ARID5B: variants seen among roughly 807,000 people sequenced by gnomAD.
ARID5B encodes the protein AT-rich interactive domain-containing protein 5B.
A neutral mutation model predicts 97.2 loss-of-function variants in ARID5B; 13 were observed. That is an observed-to-expected ratio of 0.13 (90% confidence interval 0.09 to 0.21). The LOEUF (loss-of-function observed/expected upper bound fraction) is 0.21, where lower values mean the gene tolerates loss of function less well. Ranked by LOEUF, ARID5B falls within the 10% of genes least tolerant of loss-of-function variation. The pLI, the probability that ARID5B is intolerant of heterozygous loss-of-function variation, is 1.00. For missense variants in ARID5B, 1,210 were observed against 1,465.3 expected, an observed-to-expected ratio of 0.83 and a Z score of 2.84; for synonymous variants, 556 against 570.3, an observed-to-expected ratio of 0.97 and a Z score of 0.36.
chr10:61,988,437 T>C (rs1329629019), intron 3 of ARID5B, among the ~76,000 whole-genome samples: 1 of 152,212 alleles, frequency 6.6e-6, no homozygotes, highest in Non-Finnish European at 1.5e-5. Context: ...TTGAAGCTTT[T>C]AAGAGATTAT....
chr10:62,044,289 GT>G (rs1839676788), intron 4 of ARID5B, among the ~76,000 whole-genome samples: 1 of 151,986 alleles, frequency 6.6e-6, no homozygotes, highest in Non-Finnish European at 1.5e-5. Flanking sequence ...AGTGATTGGG[GT>G]TGTCTGCTCT....
intron 2 of ARID5B, among the ~76,000 whole-genome samples, chr10:61,929,529 C>T (rs1844167705): frequency 6.6e-6 from 1 of 152,108 alleles, no homozygotes; most frequent in Non-Finnish European, 1.5e-5. Flanking sequence ...GTAACAGAGA[C>T]TCGTATATTA....
At chr10:61,915,836 A>G (rs1025090724) in intron 2 of ARID5B, among the ~76,000 whole-genome samples, 1 of 152,066 alleles carries the variant, frequency 6.6e-6, no homozygotes. Flanking sequence ...GCTCACTGCA[A>G]CCTTCACCTC....
chr10:62,005,926 T>C (rs1214991467), intron 4 of ARID5B, among the ~76,000 whole-genome samples: 2 of 152,204 alleles, frequency 1.3e-5, no homozygotes, highest in Non-Finnish European at 2.9e-5. Context: ...GCTTTGTTCC[T>C]GGCCCCTGTC....
At chr10:62,025,650 A>T (rs1302430494) in intron 4 of ARID5B, among the ~76,000 whole-genome samples, 2 of 152,184 alleles carry the variant, frequency 1.3e-5, no homozygotes, top group Admixed American at 1.3e-4. Flanking sequence ...AATTAGAAAA[A>T]CATGCTAAAT....
At chr10:61,911,847 A>G (rs1407856647) in intron 2 of ARID5B, among the ~76,000 whole-genome samples, 1 of 152,134 alleles carries the variant, frequency 6.6e-6, no homozygotes, top group Non-Finnish European at 1.5e-5. Flanking sequence ...TTCTAGGGTT[A>G]GAGAGTGTAA....
intron 4 of ARID5B, among the ~76,000 whole-genome samples, chr10:62,018,490 A>G (rs1839312035): frequency 6.6e-6 from 1 of 151,912 alleles, no homozygotes; most frequent in African/African-American, 2.4e-5. Context: ...TACCAATATC[A>G]TTATTATCTT....
chr10:61,948,864 G>A (rs1289638067), intron 3 of ARID5B, among the ~76,000 whole-genome samples: 2 of 152,240 alleles, frequency 1.3e-5, no homozygotes, highest in Non-Finnish European at 2.9e-5. Flanking sequence ...CTTCTCTAGA[G>A]CTGTATGGCC....
rs868439822 is a variant in ARID5B, at chr10:61,919,048, C to A, written c.276+16635C>A. 3.0e-4 allele frequency among the ~76,000 whole-genome samples: 38 copies of A among 127,038 alleles called. 1 individual carries two copies. The highest frequency in any genetic ancestry group is 9.2e-4 in the African/African-American group (32 of 34,604). 83.3% of individuals were successfully genotyped at this position (127,038 alleles called of 152,430 possible). ...GAGCCTGACTCCGTCCCCCCCCCCC[C>A]CCCCAAAAAAATAAAAGGTGCGTTA... On this transcript the variant is annotated intron_variant, in intron 2 of 9. Transcript: ENST00000279873.
rs1838559937 is a variant in ARID5B at position 61,967,337 on chromosome 10, T to TA, written c.502+26930dup. ...GTGTCTTACAGGAAGAAGCTTATCT[T>TA]ACCGGTCAATATTTGTATTATCCAG... On this transcript the variant is annotated intron_variant, in intron 3 of 9. Coordinates refer to ENST00000279873, the MANE Select transcript of ARID5B (RefSeq NM_032199.3). Among the ~76,000 whole-genome samples, 5 of 152,362 alleles carry TA rather than the reference T, an allele frequency of 3.3e-5. No homozygotes were observed. In the South Asian group the frequency reaches 1.0e-3, roughly 32 times the overall value.
intron 4 of ARID5B, among the ~76,000 whole-genome samples, chr10:62,010,952 A>G (rs1329813915): frequency 6.6e-6 from 1 of 152,226 alleles, no homozygotes; most frequent in African/African-American, 2.4e-5. Context: ...TATAATATAG[A>G]TCACAGTTTG....
Position 61,986,504 on chromosome 10 carries a change from A to T in ARID5B, c.503-13587A>T, listed in dbSNP as rs547157452. Reference sequence around the variant, plus strand: ...TATGTCCCCAAAATGTGATCAGGGAAACACTAACTTGTTGAGGTGAGCCAT... The same window carrying T: ...TATGTCCCCAAAATGTGATCAGGGATACACTAACTTGTTGAGGTGAGCCAT... On this transcript the variant is annotated intron_variant, in intron 3 of 9. Coordinates refer to ENST00000279873, the MANE Select transcript of ARID5B (RefSeq NM_032199.3). Among the ~76,000 whole-genome samples the T allele has an allele frequency of 5.3e-5, 8 of 152,270 alleles. No homozygotes were observed. In the South Asian group the frequency reaches 6.2e-4, roughly 12 times the overall value.
intron 4 of ARID5B, among the ~76,000 whole-genome samples, chr10:62,043,342 T>C (rs1839665662): frequency 6.6e-6 from 1 of 152,244 alleles, no homozygotes; most frequent in Non-Finnish European, 1.5e-5. Context: ...CCCTTTCTTC[T>C]TTGCCAGTGT....
At chr10:62,066,222 T>A (rs765370578) in intron 7 of ARID5B, among the ~76,000 whole-genome samples, 14 of 152,230 alleles carry the variant, frequency 9.2e-5, no homozygotes, top group Admixed American at 9.2e-4. Flanking sequence ...TCTCTCCTTA[T>A]TGGGCTCTGA....
chr10:61,976,350 T>G (rs1269481435), intron 3 of ARID5B, among the ~76,000 whole-genome samples: 1 of 152,246 alleles, frequency 6.6e-6, no homozygotes, highest in Admixed American at 6.5e-5. Context: ...CAGAAGCTAT[T>G]CTATTGGATA....
intron 3 of ARID5B, among the ~76,000 whole-genome samples, chr10:61,992,885 G>A (rs1159484527): frequency 6.6e-6 from 1 of 152,120 alleles, no homozygotes; most frequent in Non-Finnish European, 1.5e-5. Context: ...GGCAGCACCA[G>A]CTGACTTACA....
chr10:61,953,832 G>A (rs1838356172), intron 3 of ARID5B, among the ~76,000 whole-genome samples: 1 of 152,158 alleles, frequency 6.6e-6, no homozygotes. Flanking sequence ...AACAATATTA[G>A]TTTCCTTTCC....
chr10:61,998,482 T>G (rs1454021885), intron 3 of ARID5B, among the ~76,000 whole-genome samples: 1 of 152,200 alleles, frequency 6.6e-6, no homozygotes, highest in African/African-American at 2.4e-5. Flanking sequence ...CAGCTTGATG[T>G]TGTACAGGTG....
intron 4 of ARID5B, among the ~76,000 whole-genome samples, chr10:62,029,148 A>G (rs1278544362): frequency 6.6e-6 from 1 of 152,176 alleles, no homozygotes; most frequent in African/African-American, 2.4e-5. Flanking sequence ...TAGAATATCC[A>G]GAATATTGCA....
Sources: gnomAD v4.1 joint callset for allele counts (sites outside exome capture counted in the v4.1 genomes callset) on GRCh38, gnomAD v4.1.1 for gene constraint, MANE v1.5 for transcripts, NCBI Gene and HGNC (gene_info 2026-07-23, HGNC 2026-07-21) for gene names.